GRAMD4: variants seen among roughly 807,000 people sequenced by gnomAD.
The protein encoded by GRAMD4 is GRAM domain containing 4.
A neutral mutation model predicts 83.9 loss-of-function variants in GRAMD4; 25 were observed. The observed-to-expected ratio is 0.30, with a 90% CI of 0.22 to 0.42. The LOEUF (loss-of-function observed/expected upper bound fraction) is 0.42. Ranked by LOEUF, GRAMD4 falls within the 10% of genes least tolerant of loss-of-function variation. GRAMD4 has a pLI of 1.00. For missense variants in GRAMD4, 593 were observed against 788.7 expected (o/e 0.75, Z 2.97); for synonymous variants, 336 against 320.9 (o/e 1.05, Z -0.50).
In GRAMD4 at chr22:46,579,591, G is replaced by A. The variant is rs78376738; in HGVS notation, c.-50+2301G>A. Among the ~76,000 whole-genome samples the A allele has an allele frequency of 6.0e-3, 913 of 152,250 alleles. 5 individuals are homozygous for A. Among genetic ancestry groups the A allele is most frequent in the Non-Finnish European group, 9.9e-3 (672 of 68,020 alleles). ...GGGTCCTGGTGACTTTCCTGTTATG[G>A]GAGAACCTGGGGCCCCGATAGTCCC... On this transcript the variant is annotated intron_variant, in intron 1 of 1. Transcript: ENST00000431155.
chr22:46,634,610 T>C (rs1337963219), intron 2 of GRAMD4, among the ~76,000 whole-genome samples: 1 of 152,176 alleles, frequency 6.6e-6, no homozygotes. Flanking sequence ...AAGCAGGTAG[T>C]GCGTGGCCAC....
intron 3 of GRAMD4, 61 bp downstream of exon 3, chr22:46,638,021 G>T (rs2081916999): frequency 6.4e-7 from 1 of 1,567,104 alleles, no homozygotes; most frequent in Non-Finnish European, 8.7e-7. Context: ...GGCTGAGATG[G>T]GGGATGTCGT....
intron 3 of GRAMD4, among the ~76,000 whole-genome samples, chr22:46,649,816 T>A (rs1380485302): frequency 6.6e-6 from 1 of 152,234 alleles, no homozygotes; most frequent in Admixed American, 6.5e-5. Flanking sequence ...CTTGGAATTC[T>A]CTGTTTTCCC....
chr22:46,600,788 T>C (rs1314644058), intron 1 of GRAMD4, among the ~76,000 whole-genome samples: 1 of 152,244 alleles, frequency 6.6e-6, no homozygotes, highest in Non-Finnish European at 1.5e-5. Flanking sequence ...ATTAATTTAC[T>C]GAAATATGCA....
intron 14 of GRAMD4, among the ~76,000 whole-genome samples, chr22:46,673,326 A>G (rs2073274): frequency 0.23 from 35,390 of 152,188 alleles, 4,779 homozygotes; most frequent in East Asian, 0.39. Context: ...CAGTTTGAGA[A>G]GGGCCCCCTT....
chr22:46,639,629 T>G (rs980353204), intron 3 of GRAMD4, among the ~76,000 whole-genome samples: 13 of 151,180 alleles, frequency 8.6e-5, no homozygotes, highest in African/African-American at 3.2e-4. Flanking sequence ...CAGTGGTGGT[T>G]AACTGTGTGT....
rs918783585 is a variant in GRAMD4 at position 46,678,954 on chromosome 22, C to T, written c.*1703C>T. Reference sequence around the variant, plus strand: ...AGGATGACCACACGGCGGCCTTTCCCGAATGGGGACAGAACCCGCTCTGAG... The same window carrying T: ...AGGATGACCACACGGCGGCCTTTCCTGAATGGGGACAGAACCCGCTCTGAG... On this transcript the variant is annotated 3_prime_UTR_variant, in exon 19 of 19. Coordinates refer to ENST00000406902, the MANE Select transcript of GRAMD4 (RefSeq NM_015124.5). The T allele has an allele frequency of 1.3e-5, 13 of 985,746 alleles. No homozygotes were observed. The South Asian group carries it at 1.4e-4, about 11-fold the overall frequency. 61.1% of individuals were successfully genotyped at this position (985,746 alleles called of 1,614,324 possible). A position where few individuals can be genotyped will look rare whatever the true frequency, so the allele number is the denominator to read the frequency against.
At chr22:46,631,035 C>T (rs915857527) in intron 2 of GRAMD4, among the ~76,000 whole-genome samples, 5 of 152,378 alleles carry the variant, frequency 3.3e-5, no homozygotes, top group African/African-American at 4.8e-5. Flanking sequence ...CTCTCTCCAC[C>T]GCCCCGAGGG....
intron 1 of GRAMD4, among the ~76,000 whole-genome samples, chr22:46,609,184 A>G (rs2081394174): frequency 6.6e-6 from 1 of 151,848 alleles, no homozygotes; most frequent in African/African-American, 2.4e-5. Context: ...TGCCCCAGAG[A>G]CATACATCGC....
intron 1 of GRAMD4, among the ~76,000 whole-genome samples, chr22:46,596,823 T>C (rs2081266191): frequency 6.6e-6 from 1 of 152,200 alleles, no homozygotes; most frequent in South Asian, 2.1e-4. Context: ...AGTGCTGCAA[T>C]TACAGGTGTG....
intron 1 of GRAMD4, among the ~76,000 whole-genome samples, chr22:46,603,352 C>T (rs1412123830): frequency 2.7e-5 from 4 of 150,624 alleles, no homozygotes; most frequent in South Asian, 2.1e-4. Context: ...GGACCACAGG[C>T]GCCCGCCACC....
intron 15 of GRAMD4, 144 bp from the exon 16 acceptor site, chr22:46,674,513 G>A: frequency 4.3e-6 from 3 of 703,228 alleles, no homozygotes; most frequent in Non-Finnish European, 7.9e-6. Flanking sequence ...ACTCTTGCCG[G>A]CGCGCCTTCC....
Position 46,677,441 on chromosome 22 carries a change from C to T in GRAMD4, c.*190C>T, listed in dbSNP as rs953152946. 163 of 1,352,076 alleles carry T rather than the reference C, an allele frequency of 1.2e-4. No individual in the cohort carries two copies. Among genetic ancestry groups the T allele is most frequent in the Middle Eastern group, 1.1e-3 (4 of 3,572 alleles). 83.8% of individuals were successfully genotyped at this position (1,352,076 alleles called of 1,614,324 possible). On this transcript the variant is annotated 3_prime_UTR_variant, in exon 19 of 19. Coordinates refer to ENST00000406902, the MANE Select transcript of GRAMD4 (RefSeq NM_015124.5). ...AAGAAGGGGCCAGGGCTCACAGGGA[C>T]GGGGGTGCCCCTCTCCCACAGGGCA...
intron 1 of GRAMD4, among the ~76,000 whole-genome samples, chr22:46,586,542 T>G (rs754138634): frequency 4.0e-4 from 61 of 151,382 alleles, no homozygotes; most frequent in Non-Finnish European, 8.6e-4. Flanking sequence ...CTCCATAGGG[T>G]TGGGGAAACG....
rs200706485 is a variant in GRAMD4 at position 46,673,803 on chromosome 22, G to A, written c.1373G>A (p.Arg458His). The A allele has an allele frequency of 9.3e-6, 15 of 1,612,996 alleles. No individual in the cohort carries two copies. Among genetic ancestry groups the A allele is most frequent in the East Asian group, 4.5e-5 (2 of 44,886 alleles). ...ATCTTCAATCTGACAGAAAACGAGC[G>A]TCCGCTGGCGGGTATGTGTGCCGTG... ...HEIFNLTENE[R>H]PLAVCENGWR... The change falls in exon 15 of 19, where the codon CGT becomes CAT. Residue 458 changes from arginine to histidine, a missense_variant. Physicochemically the swap from Arg to His is conservative, Grantham distance 29 (BLOSUM62 0). Transcript: ENST00000406902.
downstream of GRAMD4, among the ~76,000 whole-genome samples, chr22:46,681,500 C>T (rs1207934742): frequency 6.6e-6 from 1 of 152,226 alleles, no homozygotes; most frequent in East Asian, 1.9e-4. Context: ...CATCTCTCGG[C>T]TGTACCTGGC....
intron 1 of GRAMD4, among the ~76,000 whole-genome samples, chr22:46,625,634 T>C (rs1281684156): frequency 6.6e-6 from 1 of 152,260 alleles, no homozygotes; most frequent in African/African-American, 2.4e-5. Context: ...TACAGAGCAG[T>C]CCTCCCACGG....
intron 4 of GRAMD4, among the ~76,000 whole-genome samples, chr22:46,660,521 C>T (rs1359997520): frequency 6.6e-6 from 1 of 152,226 alleles, no homozygotes; most frequent in Non-Finnish European, 1.5e-5. Context: ...ACATACCACA[C>T]ACTCTGAAGC....
chr22:46,636,136 AC>A (rs1203896300), intron 2 of GRAMD4, among the ~76,000 whole-genome samples: 9 of 152,078 alleles, frequency 5.9e-5, no homozygotes, highest in East Asian at 1.9e-4. Context: ...GGAGCCCCAG[AC>A]CCATGTCTCC....
Sources: allele counts gnomAD v4.1 joint callset (sites outside exome capture counted in the v4.1 genomes callset), GRCh38; gene constraint gnomAD v4.1.1; transcripts MANE v1.5; gene names NCBI Gene and HGNC (gene_info 2026-07-23, HGNC 2026-07-21).